The following KPNB1 variants were observed in gnomAD, a reference collection of about 807,000 sequenced individuals.
The protein encoded by KPNB1 is importin subunit beta-1.
Under a neutral mutation model 113.0 loss-of-function variants are expected in KPNB1, and 7 were observed. That is an observed-to-expected ratio of 0.06 (90% CI 0.04 to 0.12). The LOEUF is 0.12. KPNB1 is among the 10% of genes least tolerant of loss of function. The probability of loss-of-function intolerance (pLI) is 1.00; values close to 1 mark genes in which losing one functional copy is unlikely to be tolerated. For missense variants in KPNB1, 400 were observed against 1,054.8 expected, an observed-to-expected ratio of 0.38 and a Z score of 8.60; for synonymous variants, 363 against 378.6, an observed-to-expected ratio of 0.96 and a Z score of 0.48.
chr17:47,656,207 C>T (rs1334656234), intron 3 of KPNB1, among the ~76,000 whole-genome samples: 2 of 151,866 alleles, frequency 1.3e-5, no homozygotes, highest in Admixed American at 6.6e-5. Flanking sequence ...TGCAGTGAGC[C>T]GAGATCGCGC....
At chr17:47,669,038 T>C (rs193280499) in intron 10 of KPNB1, among the ~76,000 whole-genome samples, 266 of 151,828 alleles carry the variant, frequency 1.8e-3, no homozygotes, top group African/African-American at 5.8e-3. Flanking sequence ...TTTCTGGATA[T>C]AGCCAGATGC....
At position 47,682,892 on chromosome 17, in the gene KPNB1, C is replaced by G. The variant is rs1347806617; in HGVS notation, c.*488C>G. The G allele has an allele frequency of 5.7e-6, 1 of 176,128 alleles. No individual in the cohort carries two copies. The highest frequency in any genetic ancestry group is 1.2e-5 in the Non-Finnish European group (1 of 81,474). 10.9% of individuals were successfully genotyped at this position (176,128 alleles called of 1,614,324 possible). The stretch of plus-strand genomic sequence containing the variant: ...GCCCACCTTCGCTGTACCTTTGCCA[C>G]ATGGTACTGTATGCTTGCCAGCTAG... On this transcript the variant is annotated 3_prime_UTR_variant, in exon 22 of 22. Transcript: ENST00000290158.
chr17:47,651,186 A>G, intron 2 of KPNB1: 20 of 984,330 alleles, frequency 2.0e-5, no homozygotes, highest in Non-Finnish European at 2.4e-5. Flanking sequence ...CTCGTTTTTC[A>G]TATTTTAAAA....
chr17:47,675,361 G>GTTTTGTTTTTTTTTTTTTTTTT (rs2030567996), intron 15 of KPNB1, among the ~76,000 whole-genome samples: 1 of 88,692 alleles, frequency 1.1e-5, no homozygotes, highest in Admixed American at 1.1e-4. Context: ...CAGAGGTGTT[G>GTTTTGTTTTTTTTTTTTTTTTT]TTTTTTTTTT....
intron 11 of KPNB1, chr17:47,670,181 A>G (rs2030405258): frequency 9.3e-6 from 3 of 324,054 alleles, no homozygotes; most frequent in Admixed American, 8.1e-5. Flanking sequence ...TTTTGGCTGT[A>G]AGAAGTATCA....
At chr17:47,667,242 C>T (rs1419022054) in intron 9 of KPNB1, among the ~76,000 whole-genome samples, 1 of 152,084 alleles carries the variant, frequency 6.6e-6, no homozygotes, top group Non-Finnish European at 1.5e-5. Context: ...TCTCTTGCCT[C>T]AGCCTCCCGA....
In KPNB1 at chr17:47,663,091, A is replaced by G. The variant is rs772139530; in HGVS notation, c.699A>G (p.Val233=). The change falls in exon 7 of 22, where the codon GTA becomes GTG. Residue 233 remains valine, a splice_region_variant and synonymous_variant. Coordinates refer to ENST00000290158, the MANE Select transcript of KPNB1 (RefSeq NM_002265.6). ...CEATQCPDTR[V]RVAALQNLVK... Reference sequence around the variant, plus strand: ...ATCTGATCTGCTGTTCATAAAAGGTACGAGTGGCTGCTTTACAGAATCTGG... The same window carrying G: ...ATCTGATCTGCTGTTCATAAAAGGTGCGAGTGGCTGCTTTACAGAATCTGG... 6 of 1,560,054 alleles carry G rather than the reference A, an allele frequency of 3.8e-6. No homozygotes were observed. The highest frequency in any genetic ancestry group is 5.3e-6 in the Non-Finnish European group (6 of 1,130,966).
intron 15 of KPNB1, among the ~76,000 whole-genome samples, 171 bp downstream of exon 15, chr17:47,674,953 G>C (rs1229872211): frequency 6.6e-6 from 1 of 152,132 alleles, no homozygotes; most frequent in Non-Finnish European, 1.5e-5. Context: ...ACAGTAGCTG[G>C]GACTAACAGA....
intron 17 of KPNB1, 76 bp downstream of exon 17, chr17:47,677,203 AC>A (rs11301979): frequency 1 from 1,201,072 of 1,201,142 alleles, 600,502 homozygotes; most frequent in Middle Eastern, 1. Context: ...TTAAATATCG[AC>A]CAGGCTGGGC....
At chr17:47,655,055 T>G (rs977482476) in intron 3 of KPNB1, among the ~76,000 whole-genome samples, 14 of 152,138 alleles carry the variant, frequency 9.2e-5, no homozygotes, top group African/African-American at 2.7e-4. Context: ...GGGGAGTTCA[T>G]TATTGGTGCT....
intron 7 of KPNB1, 103 bp from the exon 8 acceptor site, chr17:47,664,056 G>A (rs568112129): frequency 3.2e-5 from 21 of 651,882 alleles, no homozygotes; most frequent in Admixed American, 2.2e-4. Context: ...CCTTTTTATA[G>A]TTACATTTCT....
intron 2 of KPNB1, chr17:47,651,049 C>A (rs1054199825): frequency 5.6e-6 from 1 of 177,146 alleles, no homozygotes; most frequent in Non-Finnish European, 1.1e-5. Flanking sequence ...TTCTTTCTTT[C>A]TTTTTTTTTT....
chr17:47,672,969 C>T, intron 12 of KPNB1, 49 bp from the exon 13 acceptor site: 6 of 1,573,384 alleles, frequency 3.8e-6, no homozygotes, highest in Non-Finnish European at 5.2e-6. Context: ...TATGTTCTTC[C>T]CTGTCCTTTT....
chr17:47,655,837 A>T (rs1915702207), intron 3 of KPNB1, among the ~76,000 whole-genome samples: 1 of 152,090 alleles, frequency 6.6e-6, no homozygotes, highest in Non-Finnish European at 1.5e-5. Context: ...CCTCGTGTTG[A>T]AGGTTGAAGT....
Position 47,658,596 on chromosome 17 carries a change from A to G in KPNB1, c.572A>G (p.Lys191Arg). The part of the protein sequence containing the change: ...MRKEEPSNNV[K>R]LAATNALLNS... ...AAAGAAGAGCCTAGTAATAATGTGA[A>G]GCTAGCTGCTACGAATGCACTCCTG... The change falls in exon 5 of 22, where the codon AAG becomes AGG. Residue 191 changes from lysine to arginine, a missense_variant. Around this residue, in one of 2 missense-constraint regions of KPNB1, gnomAD observed 285 missense variants for 627.0 expected, o/e 0.45. Coordinates refer to ENST00000290158, the MANE Select transcript of KPNB1 (RefSeq NM_002265.6). 6.2e-7 allele frequency: 1 copy of G among 1,614,030 alleles called. No individual in the cohort carries two copies. Among genetic ancestry groups the G allele is most frequent in the East Asian group, 2.2e-5 (1 of 44,878 alleles).
rs142478428 is a variant in KPNB1 at position 47,665,565 on chromosome 17, C to T, written c.999+407C>T. On this transcript the variant is annotated intron_variant, in intron 9 of 21. Transcript: ENST00000290158. ...TCACAGGGTGTATGTTTTTAAAATT[C>T]TAAGGAAGTTGGATATAAGTTATTC... is the stretch of plus-strand genomic sequence containing the variant. Among the ~76,000 whole-genome samples, 1,503 of 152,250 alleles carry T rather than the reference C, an allele frequency of 9.9e-3. 13 individuals are homozygous for T. The highest frequency in any genetic ancestry group is 0.015 in the Non-Finnish European group (1,043 of 68,014).
intron 4 of KPNB1, among the ~76,000 whole-genome samples, chr17:47,657,894 C>T (rs994725813): frequency 1.3e-5 from 2 of 152,158 alleles, no homozygotes; most frequent in African/African-American, 4.8e-5. Flanking sequence ...ATTCATGATA[C>T]TTTCTTGAGT....
At chr17:47,678,438 T>TCGTC in intron 19 of KPNB1, 25 bp downstream of exon 19, 1 of 1,544,600 alleles carries the variant, frequency 6.5e-7, no homozygotes, top group Non-Finnish European at 8.9e-7. Context: ...CCAGTTCCCT[T>TCGTC]CGTCCGCTCG....
chr17:47,672,249 C>T lies in KPNB1; in HGVS notation c.1548-769C>T, dbSNP rs1436519360. Among the ~76,000 whole-genome samples the T allele has an allele frequency of 2.6e-5, 4 of 151,978 alleles. No homozygotes were observed. In the East Asian group the frequency reaches 7.8e-4, roughly 30 times the overall value. On this transcript the variant is annotated intron_variant, in intron 12 of 21. Coordinates refer to ENST00000290158, the MANE Select transcript of KPNB1 (RefSeq NM_002265.6). Reference sequence around the variant, plus strand: ...ACAAACTCCTGACACCTCAGGTGATCTGCCCACCTTGGCCTCCCAAAGTGC... The same window carrying T: ...ACAAACTCCTGACACCTCAGGTGATTTGCCCACCTTGGCCTCCCAAAGTGC...
Sources: gnomAD v4.1 joint callset for allele counts (sites outside exome capture counted in the v4.1 genomes callset) on GRCh38, gnomAD v4.1.1 for gene constraint, gnomAD v4.1.1 regional missense constraint, MANE v1.5 for transcripts, NCBI Gene and HGNC (gene_info 2026-07-23, HGNC 2026-07-21) for gene names.